Variants in MSI2 observed in about 807,000 individuals in gnomAD.
MSI2 encodes the protein RNA-binding protein Musashi homolog 2.
A neutral mutation model predicts 45.6 loss-of-function variants in MSI2; 17 were observed. The ratio of observed to expected loss-of-function variants is 0.37; its 90% confidence interval spans 0.26 to 0.56. The LOEUF is 0.56. Among genes scored for constraint, MSI2 ranks in the 20% least tolerant of loss-of-function variants. The pLI is 0.77. For missense variants in MSI2, 293 were observed against 444.2 expected (o/e 0.66, Z 3.06); for synonymous variants, 156 against 158.2 (o/e 0.99, Z 0.11).
intron 5 of MSI2, among the ~76,000 whole-genome samples, chr17:57,371,470 G>T (rs1025614679): frequency 1.4e-5 from 2 of 147,042 alleles, no homozygotes; most frequent in African/African-American, 5.0e-5. Context: ...TAACTGCTAT[G>T]AACATTTCGG....
intron 11 of MSI2, among the ~76,000 whole-genome samples, chr17:57,665,600 C>G (rs1912308357): frequency 6.6e-6 from 1 of 152,172 alleles, no homozygotes; most frequent in African/African-American, 2.4e-5. Flanking sequence ...CTTCCCCACC[C>G]CACCCTGCCC....
chr17:57,472,574 T>C (rs1055532215), intron 6 of MSI2, among the ~76,000 whole-genome samples: 13 of 152,246 alleles, frequency 8.5e-5, no homozygotes, highest in Non-Finnish European at 1.6e-4. Flanking sequence ...GCTCGAATCC[T>C]AGCTCTGCTG....
chr17:57,557,054 G>A (rs889653800), intron 7 of MSI2, among the ~76,000 whole-genome samples: 1 of 152,210 alleles, frequency 6.6e-6, no homozygotes, highest in African/African-American at 2.4e-5. Flanking sequence ...CATGGAGTAT[G>A]GAGCCCACTG....
At chr17:57,505,300 A>G (rs1265570298) in intron 6 of MSI2, among the ~76,000 whole-genome samples, 3 of 152,146 alleles carry the variant, frequency 2.0e-5, no homozygotes, top group Non-Finnish European at 4.4e-5. Context: ...GCCATGGATC[A>G]GGTAGGATGG....
intron 9 of MSI2, chr17:57,618,384 A>G (rs1293439687): frequency 2.0e-5 from 3 of 152,230 alleles, no homozygotes; most frequent in African/African-American, 7.2e-5. Flanking sequence ...CATAGAGCAT[A>G]GCAAGACCTG....
At chr17:57,267,568 C>G (rs994097618) in intron 5 of MSI2, 1 of 151,860 alleles carries the variant, frequency 6.6e-6, no homozygotes, top group Non-Finnish European at 1.5e-5. Context: ...TTCTTTGTGT[C>G]CTATTTTGTA....
At chr17:57,377,075 C>A (rs551594681) in intron 5 of MSI2, among the ~76,000 whole-genome samples, 1 of 152,150 alleles carries the variant, frequency 6.6e-6, no homozygotes, top group Admixed American at 6.5e-5. Context: ...CGCCCGCCAC[C>A]ACGCCCAGCT....
intron 5 of MSI2, among the ~76,000 whole-genome samples, chr17:57,359,404 G>A (rs1272518841): frequency 6.6e-6 from 1 of 152,196 alleles, no homozygotes; most frequent in Non-Finnish European, 1.5e-5. Context: ...GAAAGACAAA[G>A]GCTCCAAGTC....
At chr17:57,526,431 CAAAGA>C (rs1197590695) in intron 6 of MSI2, among the ~76,000 whole-genome samples, 2 of 137,010 alleles carry the variant, frequency 1.5e-5, no homozygotes, top group Non-Finnish European at 3.3e-5. Context: ...GAGAGAGAGA[CAAAGA>C]CAGAGACCGA....
intron 7 of MSI2, among the ~76,000 whole-genome samples, chr17:57,530,873 T>A (rs2086808083): frequency 6.6e-6 from 1 of 151,368 alleles, no homozygotes; most frequent in Non-Finnish European, 1.5e-5. Flanking sequence ...TAATCTGGCT[T>A]CAAATGCATC....
In MSI2 at chr17:57,627,602, G is replaced by T; in HGVS notation, c.727+299G>T. On this transcript the variant is annotated intron_variant, in intron 10 of 13. Coordinates refer to ENST00000284073, the MANE Select transcript of MSI2 (RefSeq NM_138962.4). The surrounding 1 kb of genome is among the most constrained non-coding windows in gnomAD (Gnocchi z 4.6). ...CTCCTTTTTCTGAAGCCTCTTCCGG[G>T]TTTTTTCTCACTGGGGACTGAACTC... The T allele has an allele frequency of 4.5e-6, 2 of 446,792 alleles. No homozygotes were observed. Among genetic ancestry groups the T allele is most frequent in the Non-Finnish European group, 8.0e-6 (2 of 248,850 alleles). The allele number at this position is 446,792 out of a possible 1,614,324, so 27.7% of individuals were successfully genotyped here. A position where few individuals can be genotyped will look rare whatever the true frequency, so the allele number is the denominator to read the frequency against.
intron 7 of MSI2, among the ~76,000 whole-genome samples, chr17:57,547,881 A>G (rs538331925): frequency 2.6e-5 from 4 of 152,194 alleles, no homozygotes; most frequent in Middle Eastern, 3.4e-3. Flanking sequence ...AGTAGATTTT[A>G]TCATCAGTGT....
At chr17:57,537,023 G>A (rs2086935037) in intron 7 of MSI2, among the ~76,000 whole-genome samples, 1 of 152,200 alleles carries the variant, frequency 6.6e-6, no homozygotes, top group African/African-American at 2.4e-5. Flanking sequence ...AGGTCTTGAG[G>A]GGAGTGGAGA....
At chr17:57,429,667 G>A (rs1476431506) in intron 6 of MSI2, among the ~76,000 whole-genome samples, 2 of 151,976 alleles carry the variant, frequency 1.3e-5, no homozygotes, top group Non-Finnish European at 2.9e-5. Flanking sequence ...AGCCAGTGGA[G>A]CTCTAGTCTG....
intron 11 of MSI2, among the ~76,000 whole-genome samples, chr17:57,664,925 C>T (rs1325607188): frequency 1.3e-5 from 2 of 152,188 alleles, no homozygotes; most frequent in Non-Finnish European, 1.5e-5. Context: ...AGTGGCCAGG[C>T]TGCATCACAG....
At chr17:57,311,452 A>G (rs1912393874) in intron 5 of MSI2, among the ~76,000 whole-genome samples, 1 of 152,206 alleles carries the variant, frequency 6.6e-6, no homozygotes, top group South Asian at 2.1e-4. Flanking sequence ...GTTCCTGGAG[A>G]GGTACCTGAA....
rs767873211 is a variant in MSI2, at chr17:57,680,114, C to T, written c.*597C>T. 29 of 227,486 alleles carry T rather than the reference C, an allele frequency of 1.3e-4. No homozygotes were observed. The highest frequency in any genetic ancestry group is 2.1e-4 in the Non-Finnish European group (24 of 114,544). The allele number at this position is 227,486 out of a possible 1,614,324, so 14.1% of individuals were successfully genotyped here. A position where few individuals can be genotyped will look rare whatever the true frequency, so the allele number is the denominator to read the frequency against. On this transcript the variant is annotated 3_prime_UTR_variant, in exon 14 of 14. Coordinates refer to ENST00000284073, the MANE Select transcript of MSI2 (RefSeq NM_138962.4). Reference sequence around the variant, plus strand: ...TGTGAAGTGCAGGGCGGGAGGTGGGCGTGAGCTTTCTATTTTGCGTTGTAG... The same window carrying T: ...TGTGAAGTGCAGGGCGGGAGGTGGGTGTGAGCTTTCTATTTTGCGTTGTAG...
At chr17:57,620,407 T>G (rs1398062224) in intron 9 of MSI2, among the ~76,000 whole-genome samples, 1 of 152,236 alleles carries the variant, frequency 6.6e-6, no homozygotes, top group Non-Finnish European at 1.5e-5. Flanking sequence ...AACCGCATAA[T>G]GCTTTCTTAT....
At chr17:57,511,638 T>TA (rs200247305) in intron 6 of MSI2, among the ~76,000 whole-genome samples, 2 of 141,742 alleles carry the variant, frequency 1.4e-5, no homozygotes, top group African/African-American at 6.0e-5. Context: ...GCTCTGCCTC[T>TA]GGCCTGCTGT....
Sources: allele counts gnomAD v4.1 joint callset (sites outside exome capture counted in the v4.1 genomes callset), GRCh38; gene constraint gnomAD v4.1.1; non-coding constraint Gnocchi (gnomAD v3.1); transcripts MANE v1.5; gene names NCBI Gene and HGNC (gene_info 2026-07-23, HGNC 2026-07-21).